The following SCN3B variants were observed in gnomAD, a reference collection of about 807,000 sequenced individuals.
The protein encoded by SCN3B is sodium voltage-gated channel beta subunit 3.
A neutral mutation model predicts 25.4 loss-of-function variants in SCN3B; 11 were observed. The observed-to-expected ratio is 0.43, with a 90% CI of 0.27 to 0.72. The LOEUF (loss-of-function observed/expected upper bound fraction) is 0.72, where lower values mean the gene tolerates loss of function less well. Ranked by LOEUF, SCN3B falls within the 30% of genes least tolerant of loss-of-function variation. SCN3B has a pLI of 0.18. For missense variants in SCN3B, 218 were observed against 278.3 expected, an observed-to-expected ratio of 0.78 and a Z score of 1.54; for synonymous variants, 109 against 110.7, an observed-to-expected ratio of 0.99 and a Z score of 0.09.
At position 123,629,745 on chromosome 11, in the gene SCN3B, T is replaced by C. The variant is rs1955646303; in HGVS notation, c.*4054A>G. 1 of 152,238 alleles carries C rather than the reference T, an allele frequency of 6.6e-6. No individual in the cohort carries two copies. The highest frequency in any genetic ancestry group is 1.5e-5 in the Non-Finnish European group (1 of 68,032). The allele number at this position is 152,238 out of a possible 1,614,324, so 9.4% of individuals were successfully genotyped here. ...GCACACCAAGCACTATTCAGATACA[T>C]TTGCAGTGACTAGGTGAATTCACTG... On this transcript the variant is annotated 3_prime_UTR_variant, in exon 7 of 7. Transcript: ENST00000299333.
At chr11:123,641,991 T>C (rs1368248123) in intron 4 of SCN3B, among the ~76,000 whole-genome samples, 1 of 151,606 alleles carries the variant, frequency 6.6e-6, no homozygotes, top group Non-Finnish European at 1.5e-5. Context: ...CTGCAGGAGA[T>C]TTTGAGGTTT....
In SCN3B at chr11:123,653,727, G is replaced by A. The variant is rs766086956; in HGVS notation, c.55+20C>T. The A allele has an allele frequency of 3.1e-6, 5 of 1,613,340 alleles. No homozygotes were observed. In the South Asian group the frequency reaches 3.3e-5, roughly 11 times the overall value. ...TGTTACTGTTACCTGCATCCGGCATGGCGAGGTGCTGGTACTTACCCCAGT... is the reference window on the plus strand; with the variant it reads ...TGTTACTGTTACCTGCATCCGGCATAGCGAGGTGCTGGTACTTACCCCAGT... On this transcript the variant is annotated intron_variant, in intron 2 of 6. Transcript: ENST00000299333.
At chr11:123,652,815 T>A (rs1006758553) in intron 2 of SCN3B, among the ~76,000 whole-genome samples, 1 of 152,122 alleles carries the variant, frequency 6.6e-6, no homozygotes, top group Non-Finnish European at 1.5e-5. Context: ...CATTCAGATG[T>A]CTATGCCAAC....
Position 123,638,377 on chromosome 11 carries a change from C to T in SCN3B, c.446-53G>A, listed in dbSNP as rs189908563. 100 of 1,609,454 alleles carry T rather than the reference C, an allele frequency of 6.2e-5. No homozygotes were observed. The East Asian group carries it at 1.9e-3, about 31-fold the overall frequency. ...TATGCAAATCCAGCAAACCTAGAGCCGTCATTGGAGCCATATTTTTAAGTA... is the reference window on the plus strand; with the variant it reads ...TATGCAAATCCAGCAAACCTAGAGCTGTCATTGGAGCCATATTTTTAAGTA... On this transcript the variant is annotated intron_variant, in intron 4 of 6. Coordinates refer to ENST00000299333, the MANE Select transcript of SCN3B (RefSeq NM_001040151.2).
rs1955971374 is a variant in SCN3B, at chr11:123,654,623, C to T, written c.-423G>A. On this transcript the variant is annotated 5_prime_UTR_variant, in exon 1 of 7. Coordinates refer to ENST00000299333, the MANE Select transcript of SCN3B (RefSeq NM_001040151.2). Reference sequence around the variant, plus strand: ...AGCCCTGACATGCGCAGGCGGCTCTCCGCCACCACCACCGCCCCGGACCCT... The same window carrying T: ...AGCCCTGACATGCGCAGGCGGCTCTTCGCCACCACCACCGCCCCGGACCCT... 1 of 152,830 alleles carries T rather than the reference C, an allele frequency of 6.5e-6. No homozygotes were observed. Among genetic ancestry groups the T allele is most frequent in the Non-Finnish European group, 1.5e-5 (1 of 68,564 alleles). 9.5% of individuals were successfully genotyped at this position (152,830 alleles called of 1,614,324 possible). A position where few individuals can be genotyped will look rare whatever the true frequency, so the allele number is the denominator to read the frequency against.
At chr11:123,636,696 C>T (rs1202422499) in intron 5 of SCN3B, among the ~76,000 whole-genome samples, 1 of 50,472 alleles carries the variant, frequency 2.0e-5, no homozygotes, top group African/African-American at 5.3e-5. Context: ...CTGTTCTATT[C>T]TGTTTTTTTT....
intron 2 of SCN3B, among the ~76,000 whole-genome samples, chr11:123,652,082 A>G (rs1328075937): frequency 6.6e-6 from 1 of 152,236 alleles, no homozygotes; most frequent in East Asian, 1.9e-4. Context: ...ACTGGAATTC[A>G]GGCAGGGATC....
chr11:123,653,842 C>G lies in SCN3B; in HGVS notation c.-25-16G>C, dbSNP rs1053236139. ...GCTTCCAAGGCTACACAGAGAGATT[C>G]CCTCGGTCAAGGACTGCGCCCTCTC... is the stretch of plus-strand genomic sequence containing the variant. On this transcript the variant is annotated splice_polypyrimidine_tract_variant and intron_variant, in intron 1 of 6. Transcript: ENST00000299333. 3 of 1,609,870 alleles carry G rather than the reference C, an allele frequency of 1.9e-6. No homozygotes were observed. The highest frequency in any genetic ancestry group is 2.6e-6 in the Non-Finnish European group (3 of 1,176,142).
At chr11:123,644,800 A>AGAGAGAGAGAGAGAGAGAGAGAAT (rs1272015067) in intron 3 of SCN3B, among the ~76,000 whole-genome samples, 2 of 45,580 alleles carry the variant, frequency 4.4e-5, no homozygotes, top group African/African-American at 1.6e-4. Flanking sequence ...AGAGAGAGAG[A>AGAGAGAGAGAGAGAGAGAGAGAAT]ATATATATAT....
chr11:123,650,947 G>A (rs1955918095), intron 2 of SCN3B, among the ~76,000 whole-genome samples: 1 of 152,088 alleles, frequency 6.6e-6, no homozygotes, highest in Admixed American at 6.5e-5. Flanking sequence ...TAAAGGCTGG[G>A]CATGGTGACT....
intron 4 of SCN3B, chr11:123,638,663 A>C: frequency 2.7e-6 from 1 of 368,366 alleles, no homozygotes; most frequent in Non-Finnish European, 5.2e-6. Context: ...TCAGTTTCTT[A>C]ATTTGTAGGT....
At chr11:123,635,943 A>G (rs1035608570) in intron 5 of SCN3B, among the ~76,000 whole-genome samples, 2 of 152,226 alleles carry the variant, frequency 1.3e-5, no homozygotes, top group African/African-American at 4.8e-5. Context: ...TTAGCCTTCC[A>G]TGTGACTTAA....
At chr11:123,651,128 T>C (rs1297646227) in intron 2 of SCN3B, among the ~76,000 whole-genome samples, 2 of 151,522 alleles carry the variant, frequency 1.3e-5, no homozygotes, top group Non-Finnish European at 1.5e-5. Context: ...ATTTATTGTA[T>C]TGTATTATTT....
Position 123,645,653 on chromosome 11 carries a change from T to C in SCN3B, c.153A>G (p.Arg51=). Residue 51 remains arginine (R), a synonymous_variant, in exon 3 of 7, where the codon AGA becomes AGG. Transcript: ENST00000299333. ...MKLRCISCMK[R]EEVEATTVVE... is the part of the protein sequence containing the mutation. ...CCACCGTGGTGGCCTCCACCTCCTC[T>C]CTCTTCATGCAGGAGATGCAGCGCA... 6.2e-7 allele frequency: 1 copy of C among 1,614,074 alleles called. No individual in the cohort carries two copies. Among genetic ancestry groups the C allele is most frequent in the African/African-American group, 1.3e-5 (1 of 75,026 alleles).
intron 2 of SCN3B, among the ~76,000 whole-genome samples, chr11:123,650,143 CTCT>C (rs1160232749): frequency 6.6e-6 from 1 of 152,128 alleles, no homozygotes; most frequent in East Asian, 1.9e-4. Flanking sequence ...CTTTGTTCTT[CTCT>C]TCAATTCCCA....
At position 123,642,910 on chromosome 11, in the gene SCN3B, C is replaced by T. The variant is rs1591346519; in HGVS notation, c.220-239G>A. Among the ~76,000 whole-genome samples the T allele has an allele frequency of 1.3e-5, 2 of 151,518 alleles. No individual in the cohort carries two copies. Among genetic ancestry groups the T allele is most frequent in the Admixed American group, 6.6e-5 (1 of 15,202 alleles). ...GGCAGCAGGCATCAGGGCATGTGGA[C>T]GTGGTGAGGACAGAGGCAGCCACGG... On this transcript the variant is annotated intron_variant, in intron 3 of 6. Transcript: ENST00000299333. The surrounding 1 kb of genome is among the most constrained non-coding windows in gnomAD (Gnocchi z 4.3).
At chr11:123,652,133 G>C (rs893798884) in intron 2 of SCN3B, among the ~76,000 whole-genome samples, 2 of 152,090 alleles carry the variant, frequency 1.3e-5, no homozygotes, top group African/African-American at 4.8e-5. Flanking sequence ...AGTCTCTGCA[G>C]AGTCTCACTC....
At chr11:123,641,378 T>A (rs1444647761) in intron 4 of SCN3B, among the ~76,000 whole-genome samples, 3 of 152,228 alleles carry the variant, frequency 2.0e-5, no homozygotes, top group Non-Finnish European at 4.4e-5. Context: ...CCGTTATGTC[T>A]CTTTCTCCTT....
At chr11:123,643,209 A>G (rs1477825) in intron 3 of SCN3B, among the ~76,000 whole-genome samples, 34,823 of 152,142 alleles carry the variant, frequency 0.23, 4,798 homozygotes, top group African/African-American at 0.39. Flanking sequence ...CAGGGGCTGT[A>G]GGACAGTCTG....
Sources: allele counts gnomAD v4.1 joint callset (sites outside exome capture counted in the v4.1 genomes callset), GRCh38; gene constraint gnomAD v4.1.1; non-coding constraint Gnocchi (gnomAD v3.1); transcripts MANE v1.5; gene names NCBI Gene and HGNC (gene_info 2026-07-23, HGNC 2026-07-21).